The following MARCHF7 variants were observed in gnomAD, a reference collection of about 807,000 sequenced individuals.
MARCHF7 encodes the protein E3 ubiquitin-protein ligase MARCHF7.
Under a neutral mutation model 76.5 loss-of-function variants are expected in MARCHF7, and 20 were observed. The observed-to-expected ratio is 0.26, with a 90% CI of 0.18 to 0.38. MARCHF7 has a LOEUF of 0.38. Ranked by LOEUF, MARCHF7 falls within the 10% of genes least tolerant of loss-of-function variation. The pLI, the probability that MARCHF7 is intolerant of heterozygous loss-of-function variation, is 1.00. For missense variants in MARCHF7, 797 were observed against 812.9 expected (o/e 0.98, Z 0.24); for synonymous variants, 295 against 293.0 (o/e 1.01, Z -0.07).
intron 7 of MARCHF7, among the ~76,000 whole-genome samples, chr2:159,749,744 G>C (rs537431972): frequency 4.0e-5 from 6 of 149,542 alleles, no homozygotes; most frequent in African/African-American, 9.8e-5. Flanking sequence ...GGGCGGGGGG[G>C]GCGGTTGTGA....
At position 159,767,485 on chromosome 2, in the gene MARCHF7, GTATA is replaced by G; in HGVS notation, c.*151_*154del. The G allele has an allele frequency of 2.0e-6, 1 of 509,418 alleles. No homozygotes were observed. Among genetic ancestry groups the G allele is most frequent in the Non-Finnish European group, 3.4e-6 (1 of 291,752 alleles). The allele number at this position is 509,418 out of a possible 1,614,324, so 31.6% of individuals were successfully genotyped here. A position where few individuals can be genotyped will look rare whatever the true frequency, so the allele number is the denominator to read the frequency against. On this transcript the variant is annotated 3_prime_UTR_variant, in exon 12 of 12. Transcript: ENST00000409175. ...AATATATACATACACATGTATGCCT[GTATA>G]TATATATTCATTCTCCAGTGTTGCT...
At chr2:159,719,374 T>C (rs1467020910) in intron 3 of MARCHF7, among the ~76,000 whole-genome samples, 2 of 152,082 alleles carry the variant, frequency 1.3e-5, no homozygotes, top group East Asian at 3.9e-4. Flanking sequence ...GTGTGCTTCC[T>C]TGACCACCCC....
chr2:159,733,257 T>C, intron 4 of MARCHF7: 3 of 865,418 alleles, frequency 3.5e-6, no homozygotes, highest in Non-Finnish European at 4.2e-6. Context: ...ATTTAGTTTT[T>C]GAGACGGGTT....
At chr2:159,745,690 T>G (rs878885621) in intron 5 of MARCHF7, 80 bp from the exon 6 acceptor site, 12 of 898,168 alleles carry the variant, frequency 1.3e-5, no homozygotes, top group Non-Finnish European at 1.8e-5. Context: ...ACACTAACTT[T>G]CCTCTCTATT....
intron 4 of MARCHF7, chr2:159,734,009 T>C (rs900789989): frequency 4.2e-5 from 57 of 1,347,072 alleles, no homozygotes; most frequent in Non-Finnish European, 5.4e-5. Flanking sequence ...CTGTTACTTC[T>C]GCTATCCCAT....
At chr2:159,722,566 G>A (rs879385352) in intron 3 of MARCHF7, among the ~76,000 whole-genome samples, 1 of 152,104 alleles carries the variant, frequency 6.6e-6, no homozygotes, top group Non-Finnish European at 1.5e-5. Flanking sequence ...TACCTCATTC[G>A]CTTGTTAAGT....
rs1705196538 is a variant in MARCHF7, at chr2:159,748,665, A to G, written c.1375A>G (p.Thr459Ala). The change falls in exon 7 of 12, where the codon ACA becomes GCA. Residue 459 changes from threonine (T) to alanine (A), a missense_variant. Around this residue, in one of 3 missense-constraint regions of MARCHF7, gnomAD observed 643 missense variants for 631.5 expected, o/e 1.02. Transcript: ENST00000409175. ...QASAASSSAT[T>A]GGSTSDSAQG... ...ATCTGCAGCATCAAGCAGTGCCACA[A>G]CAGGTGGCTCTACATCAGATTCGGC... is the stretch of plus-strand genomic sequence containing the variant. 1.2e-6 allele frequency: 2 copies of G among 1,614,096 alleles called. No individual in the cohort carries two copies. The highest frequency in any genetic ancestry group is 1.7e-5 in the Admixed American group (1 of 60,000).
rs779343524 is a variant in MARCHF7 at position 159,760,689 on chromosome 2, T to TCAGA, written c.1893+1355_1893+1356insAGAC. The stretch of plus-strand genomic sequence containing the variant: ...CCTTCCTGAGATGCTTCATCCTGTC[T>TCAGA]CTCAAAGGCAGTTTTTTCCTTTTTT... On this transcript the variant is annotated intron_variant, in intron 9 of 11. Transcript: ENST00000409175. Among the ~76,000 whole-genome samples the TCAGA allele has an allele frequency of 4.1e-3, 616 of 151,388 alleles. 1 individual carries two copies. The highest frequency in any genetic ancestry group is 6.8e-3 in the Middle Eastern group (2 of 294).
chr2:159,757,499 G>T (rs562765167), intron 8 of MARCHF7, among the ~76,000 whole-genome samples: 2 of 152,316 alleles, frequency 1.3e-5, no homozygotes, highest in East Asian at 3.9e-4. Context: ...AAGAAATATA[G>T]GAGTAGGCTG....
rs200398197 is a variant in MARCHF7 at position 159,726,217 on chromosome 2, A to AGGTTT, written c.-14-2791_-14-2787dup. Among the ~76,000 whole-genome samples, 92 of 108,488 alleles carry AGGTTT rather than the reference A, an allele frequency of 8.5e-4. 1 individual carries two copies. In the East Asian group the frequency reaches 0.013, roughly 15 times the overall value. The allele number at this position is 108,488 out of a possible 152,430, so 71.2% of individuals were successfully genotyped here. On this transcript the variant is annotated intron_variant, in intron 3 of 11. Coordinates refer to ENST00000409175, the MANE Select transcript of MARCHF7 (RefSeq NM_001282805.2). ...GAAGCTCTACTACTGCTCCAGATAC[A>AGGTTT]GGTTTTGTTTTGTTTTGTTTTGTTT...
rs552285796 is a variant in MARCHF7 at position 159,744,277 on chromosome 2, C to T, written c.346+1024C>T. Among the ~76,000 whole-genome samples, 406 of 152,144 alleles carry T rather than the reference C, an allele frequency of 2.7e-3. 2 individuals carry two copies. Among genetic ancestry groups the T allele is most frequent in the Non-Finnish European group, 4.6e-3 (313 of 67,998 alleles). ...CGCTGGGATTACAGGCGTGAGCCAC[C>T]GCGCCCGGCCTAGTAGGAGTTCTAT... is the stretch of plus-strand genomic sequence containing the variant. On this transcript the variant is annotated intron_variant, in intron 5 of 11. Coordinates refer to ENST00000409175, the MANE Select transcript of MARCHF7 (RefSeq NM_001282805.2).
At chr2:159,759,667 G>T (rs998698652) in intron 9 of MARCHF7, among the ~76,000 whole-genome samples, 1 of 152,008 alleles carries the variant, frequency 6.6e-6, no homozygotes, top group Non-Finnish European at 1.5e-5. Context: ...AGGAAAATTC[G>T]GGAGGTGGGG....
At chr2:159,727,195 G>A (rs1490826512) in intron 3 of MARCHF7, among the ~76,000 whole-genome samples, 1 of 152,176 alleles carries the variant, frequency 6.6e-6, no homozygotes, top group Non-Finnish European at 1.5e-5. Context: ...TAGGGTAAGG[G>A]AAATAAATTT....
chr2:159,730,436 AT>A (rs1702651484), intron 4 of MARCHF7, among the ~76,000 whole-genome samples: 1 of 152,250 alleles, frequency 6.6e-6, no homozygotes, highest in Admixed American at 6.5e-5. Flanking sequence ...TCTTTAAGAT[AT>A]TCAGAGCAAG....
intron 3 of MARCHF7, among the ~76,000 whole-genome samples, chr2:159,720,366 T>C (rs1701502133): frequency 6.6e-6 from 1 of 152,196 alleles, no homozygotes; most frequent in African/African-American, 2.4e-5. Context: ...TCTTACATAA[T>C]GTCTTCCATT....
In MARCHF7 at chr2:159,770,823, G is replaced by C. The variant is rs1708121827; in HGVS notation, c.*3481G>C. 6.6e-6 allele frequency: 1 copy of C among 152,072 alleles called. No individual in the cohort carries two copies. The highest frequency in any genetic ancestry group is 2.1e-4 in the South Asian group (1 of 4,826). The allele number at this position is 152,072 out of a possible 1,614,324, so 9.4% of individuals were successfully genotyped here. ...TTTTCACACAAGATTCCCTAACTAT[G>C]CATTTCTTAGAACGTATCCCCATTG... On this transcript the variant is annotated 3_prime_UTR_variant, in exon 12 of 12. Transcript: ENST00000409175.
chr2:159,720,800 A>G (rs1427810132), intron 3 of MARCHF7, among the ~76,000 whole-genome samples: 1 of 152,166 alleles, frequency 6.6e-6, no homozygotes, highest in African/African-American at 2.4e-5. Flanking sequence ...CAAGCAGGCA[A>G]CATTAACCTG....
intron 3 of MARCHF7, among the ~76,000 whole-genome samples, chr2:159,717,316 G>A (rs928069643): frequency 6.6e-6 from 1 of 152,180 alleles, no homozygotes; most frequent in Non-Finnish European, 1.5e-5. Flanking sequence ...GCCATATTTT[G>A]TAATTTACCA....
chr2:159,721,814 T>C (rs928443914), intron 3 of MARCHF7, among the ~76,000 whole-genome samples: 8 of 152,184 alleles, frequency 5.3e-5, no homozygotes, highest in African/African-American at 1.7e-4. Flanking sequence ...ACTCCACTTA[T>C]AAAACACAAA....
Sources: gnomAD v4.1 joint callset for allele counts (sites outside exome capture counted in the v4.1 genomes callset) on GRCh38, gnomAD v4.1.1 for gene constraint, gnomAD v4.1.1 regional missense constraint, MANE v1.5 for transcripts, NCBI Gene and HGNC (gene_info 2026-07-23, HGNC 2026-07-21) for gene names.